MOBP: variants seen among roughly 807,000 people sequenced by gnomAD.
MOBP encodes myelin-associated oligodendrocyte basic protein.
Under a neutral mutation model 15.0 loss-of-function variants are expected in MOBP, and 5 were observed. That is an observed-to-expected ratio of 0.33 (90% confidence interval 0.17 to 0.70). The LOEUF is 0.70. MOBP is among the 30% of genes least tolerant of loss of function. MOBP has a pLI of 0.67. For missense variants in MOBP, 188 were observed against 257.8 expected, an observed-to-expected ratio of 0.73 and a Z score of 1.85; for synonymous variants, 88 against 99.0, an observed-to-expected ratio of 0.89 and a Z score of 0.66.
downstream of MOBP, chr3:39,524,925 G>T (rs1167776611): frequency 1.3e-5 from 2 of 151,918 alleles, no homozygotes; most frequent in African/African-American, 4.8e-5. Context: ...ACAAAATAAG[G>T]AACATGAAAA....
At chr3:39,494,057 G>GA (rs1206398854) in intron 2 of MOBP, among the ~76,000 whole-genome samples, 1 of 152,088 alleles carries the variant, frequency 6.6e-6, no homozygotes, top group Non-Finnish European at 1.5e-5. Flanking sequence ...TCACATGGGG[G>GA]AATTATATAG....
intron 2 of MOBP, among the ~76,000 whole-genome samples, chr3:39,493,181 A>G (rs1341938606): frequency 6.6e-6 from 1 of 152,186 alleles, no homozygotes; most frequent in Non-Finnish European, 1.5e-5. Flanking sequence ...GAAGGGCAAA[A>G]AATCCACTTT....
At chr3:39,472,686 G>A (rs747885810) in intron 1 of MOBP, among the ~76,000 whole-genome samples, 3 of 152,206 alleles carry the variant, frequency 2.0e-5, no homozygotes, top group Non-Finnish European at 2.9e-5. Flanking sequence ...AGCACTTTGG[G>A]AGGCTGAGGC....
downstream of MOBP, among the ~76,000 whole-genome samples, chr3:39,506,606 C>G (rs962249313): frequency 1.3e-5 from 2 of 152,166 alleles, no homozygotes; most frequent in Non-Finnish European, 2.9e-5. Flanking sequence ...TATTTATACA[C>G]CAGTTCTCGT....
chr3:39,525,628 G>C (rs1490511968), downstream of MOBP: 1 of 152,302 alleles, frequency 6.6e-6, no homozygotes, highest in Non-Finnish European at 1.5e-5. Context: ...CCAAGTTTAA[G>C]AGGCAAGTAA....
chr3:39,518,583 T>A (rs944522731), downstream of MOBP, among the ~76,000 whole-genome samples: 4 of 152,166 alleles, frequency 2.6e-5, no homozygotes, highest in Non-Finnish European at 5.9e-5. Flanking sequence ...AGGGTCAATA[T>A]TACAGTGTCT....
chr3:39,484,447 G>A (rs1231695340), intron 2 of MOBP, among the ~76,000 whole-genome samples: 5 of 152,176 alleles, frequency 3.3e-5, no homozygotes, highest in African/African-American at 1.2e-4. Flanking sequence ...CTGTGGCAAC[G>A]TGGAGGATAG....
chr3:39,511,785 A>G (rs1768262), intron 4 of MOBP, among the ~76,000 whole-genome samples: 46,827 of 152,024 alleles, frequency 0.31, 9,456 homozygotes, highest in African/African-American at 0.58. Flanking sequence ...TGTTGACTGA[A>G]TGAGCCCTAT....
chr3:39,468,636 CTT>C (rs1323776491), intron 1 of MOBP, among the ~76,000 whole-genome samples: 2 of 151,800 alleles, frequency 1.3e-5, no homozygotes, highest in Middle Eastern at 3.2e-3. Context: ...TTATCATTCT[CTT>C]TCTCTCTCTC....
chr3:39,476,853 A>G (rs866096685), intron 1 of MOBP, among the ~76,000 whole-genome samples: 8 of 152,276 alleles, frequency 5.3e-5, no homozygotes, highest in Middle Eastern at 3.4e-3. Context: ...TAACATATCA[A>G]TAATGATAAT....
chr3:39,512,916 G>T (rs200286182), intron 4 of MOBP, among the ~76,000 whole-genome samples: 1 of 152,162 alleles, frequency 6.6e-6, no homozygotes, highest in African/African-American at 2.4e-5. Flanking sequence ...ATTGGATGTT[G>T]TTTATCTCCT....
intron 3 of MOBP, among the ~76,000 whole-genome samples, chr3:39,524,074 A>AT (rs1284340830): frequency 6.6e-6 from 1 of 152,212 alleles, no homozygotes; most frequent in Non-Finnish European, 1.5e-5. Context: ...AGGGGCTGGG[A>AT]TTGCCACCCT....
intron 1 of MOBP, among the ~76,000 whole-genome samples, chr3:39,471,380 C>T (rs1372569740): frequency 6.6e-6 from 1 of 152,152 alleles, no homozygotes. Context: ...CTGCCTGCCT[C>T]AGCCTCTCAA....
intron 3 of MOBP, among the ~76,000 whole-genome samples, chr3:39,522,074 G>C (rs2043275742): frequency 1.3e-5 from 2 of 152,190 alleles, no homozygotes; most frequent in South Asian, 4.2e-4. Flanking sequence ...TCCATCACTG[G>C]GAGAGGTGGT....
At chr3:39,492,685 A>G (rs2042817417) in intron 2 of MOBP, among the ~76,000 whole-genome samples, 1 of 152,176 alleles carries the variant, frequency 6.6e-6, no homozygotes, top group Admixed American at 6.5e-5. Context: ...TAAACATCCC[A>G]TTCCTTAATT....
At position 39,514,977 on chromosome 3, in the gene MOBP, T is replaced by C. The variant is rs139691837; in HGVS notation, c.*1594T>C. The C allele has an allele frequency of 2.2e-3, 90 of 40,540 alleles. 1 individual carries two copies. Among genetic ancestry groups the C allele is most frequent in the Non-Finnish European group, 5.3e-3 (77 of 14,560 alleles). The allele number at this position is 40,540 out of a possible 1,614,324, so 2.5% of individuals were successfully genotyped here. ...GGACTGGTGTGTGCGTGTGTGTGTG[T>C]GTGTGTGTGTGTGTGTGTGTGTGTG... On this transcript the variant is annotated 3_prime_UTR_variant, in exon 5 of 5. Transcript: ENST00000311042.
At chr3:39,497,083 A>G (rs757585889) in intron 2 of MOBP, among the ~76,000 whole-genome samples, 1 of 152,204 alleles carries the variant, frequency 6.6e-6, no homozygotes, top group Admixed American at 6.5e-5. Context: ...GATTACAGGC[A>G]TGAGCCACCG....
intron 3 of MOBP, among the ~76,000 whole-genome samples, chr3:39,521,760 G>A (rs1665739036): frequency 1.3e-5 from 2 of 152,300 alleles, no homozygotes; most frequent in East Asian, 1.9e-4. Context: ...CAGAGTGTCC[G>A]AACCATAACT....
chr3:39,522,398 A>T (rs924924407), intron 3 of MOBP, among the ~76,000 whole-genome samples: 2 of 152,334 alleles, frequency 1.3e-5, no homozygotes, highest in Non-Finnish European at 2.9e-5. Context: ...TGTAAACCTC[A>T]TAAGAGCAAG....
Sources: allele counts gnomAD v4.1 joint callset (sites outside exome capture counted in the v4.1 genomes callset), GRCh38; gene constraint gnomAD v4.1.1; transcripts MANE v1.5; gene names NCBI Gene and HGNC (gene_info 2026-07-23, HGNC 2026-07-21).